Variants in IMMP2L observed in about 807,000 individuals in gnomAD.
IMMP2L encodes the protein mitochondrial inner membrane protease subunit 2.
A neutral mutation model predicts 19.3 loss-of-function variants in IMMP2L; 18 were observed. The observed-to-expected ratio is 0.93, with a 90% CI of 0.64 to 1.38. The LOEUF is 1.38. Ranked by LOEUF, IMMP2L falls within the 40% of genes most tolerant of loss-of-function variation. The pLI is 0.00. For synonymous variants in IMMP2L, 76 were observed against 73.0 expected (o/e 1.04, Z -0.21); for missense variants, 233 against 218.2 (o/e 1.07, Z -0.43).
At chr7:110,700,290 T>C (rs1340223831) in intron 5 of IMMP2L, among the ~76,000 whole-genome samples, 1 of 152,300 alleles carries the variant, frequency 6.6e-6, no homozygotes, top group East Asian at 1.9e-4. Flanking sequence ...TTTTTTCACT[T>C]AATTGAAGCC....
At chr7:111,087,128 T>A (rs1796408272) in intron 3 of IMMP2L, among the ~76,000 whole-genome samples, 1 of 152,168 alleles carries the variant, frequency 6.6e-6, no homozygotes, top group African/African-American at 2.4e-5. Context: ...TTTCAGCCAA[T>A]GTTTCTACAC....
intron 3 of IMMP2L, among the ~76,000 whole-genome samples, chr7:111,012,153 A>C (rs1394869495): frequency 6.6e-6 from 1 of 152,162 alleles, no homozygotes; most frequent in Non-Finnish European, 1.5e-5. Flanking sequence ...TACAGGGATA[A>C]AATAAATTTC....
At chr7:110,935,800 A>G (rs1183714742) in intron 4 of IMMP2L, among the ~76,000 whole-genome samples, 1 of 152,172 alleles carries the variant, frequency 6.6e-6, no homozygotes, top group East Asian at 1.9e-4. Flanking sequence ...TTCAAACTAT[A>G]CTACAAGGCT....
chr7:110,702,919 T>G (rs1266641642), intron 5 of IMMP2L, among the ~76,000 whole-genome samples: 2 of 152,144 alleles, frequency 1.3e-5, no homozygotes, highest in Non-Finnish European at 2.9e-5. Context: ...TACTGTACGG[T>G]CTAAAACCTT....
At chr7:110,829,613 G>A (rs1282181301) in intron 5 of IMMP2L, among the ~76,000 whole-genome samples, 2 of 152,042 alleles carry the variant, frequency 1.3e-5, no homozygotes, top group South Asian at 2.1e-4. Flanking sequence ...CAAAAAAAGA[G>A]AGAAAAACCC....
chr7:110,722,415 G>C (rs1374732136), intron 5 of IMMP2L, among the ~76,000 whole-genome samples: 1 of 151,958 alleles, frequency 6.6e-6, no homozygotes, highest in African/African-American at 2.4e-5. Flanking sequence ...TAAAAAAGTT[G>C]CCAGTGCACA....
chr7:111,508,894 C>A (rs978276685), intron 2 of IMMP2L, among the ~76,000 whole-genome samples: 13 of 152,086 alleles, frequency 8.5e-5, no homozygotes, highest in Non-Finnish European at 1.5e-4. Context: ...TCACTGGGGA[C>A]CCACCCTATC....
intron 5 of IMMP2L, among the ~76,000 whole-genome samples, chr7:110,720,959 C>T (rs1795527389): frequency 6.6e-6 from 1 of 151,998 alleles, no homozygotes. Flanking sequence ...AAGGCTTAAC[C>T]TTCCATCTTT....
intron 3 of IMMP2L, among the ~76,000 whole-genome samples, chr7:111,186,521 A>T (rs1379017471): frequency 6.6e-6 from 1 of 151,960 alleles, no homozygotes; most frequent in African/African-American, 2.4e-5. Flanking sequence ...CCTGGGTTCA[A>T]GGGTTCCAGC....
chr7:111,047,486 C>T (rs181118774), intron 3 of IMMP2L, among the ~76,000 whole-genome samples: 22 of 152,266 alleles, frequency 1.4e-4, no homozygotes, highest in African/African-American at 5.3e-4. Flanking sequence ...CCGTGCCCAG[C>T]CCTTCAAAAT....
intron 3 of IMMP2L, among the ~76,000 whole-genome samples, chr7:111,434,642 T>G (rs1366246534): frequency 1.3e-5 from 2 of 151,758 alleles, no homozygotes; most frequent in Non-Finnish European, 2.9e-5. Flanking sequence ...ACCTCTTGGA[T>G]TCAAGAGATT....
chr7:111,433,641 A>G (rs1478368773), intron 3 of IMMP2L, among the ~76,000 whole-genome samples: 1 of 151,760 alleles, frequency 6.6e-6, no homozygotes, highest in East Asian at 1.9e-4. Context: ...GAGCCAAACC[A>G]TATCAGACCC....
chr7:110,978,938 C>T (rs368902178), intron 3 of IMMP2L, among the ~76,000 whole-genome samples: 3 of 151,944 alleles, frequency 2.0e-5, no homozygotes, highest in Non-Finnish European at 2.9e-5. Context: ...ACTTTTAAAA[C>T]ATTAGAAACA....
chr7:111,172,428 CGTGTA>C (rs1806549782), intron 3 of IMMP2L, among the ~76,000 whole-genome samples: 1 of 151,464 alleles, frequency 6.6e-6, no homozygotes, highest in African/African-American at 2.4e-5. Flanking sequence ...ATGTATACAA[CGTGTA>C]ATGATCAAAC....
At chr7:110,927,125 A>G (rs1814941757) in intron 4 of IMMP2L, among the ~76,000 whole-genome samples, 1 of 151,376 alleles carries the variant, frequency 6.6e-6, no homozygotes, top group South Asian at 2.1e-4. Context: ...TCCTCCTCCT[A>G]CCCCCACTTC....
chr7:110,960,882 C>G (rs1818860496), intron 4 of IMMP2L, among the ~76,000 whole-genome samples: 1 of 151,814 alleles, frequency 6.6e-6, no homozygotes, highest in Non-Finnish European at 1.5e-5. Context: ...ATGATCTGAA[C>G]AGTTATCTCA....
chr7:111,513,720 T>G (rs927919870), intron 2 of IMMP2L, among the ~76,000 whole-genome samples: 45 of 152,026 alleles, frequency 3.0e-4, no homozygotes, highest in African/African-American at 1.1e-3. Flanking sequence ...CATAAATGGA[T>G]GAAGGGATAA....
intron 5 of IMMP2L, among the ~76,000 whole-genome samples, chr7:110,668,514 C>T (rs1456847654): frequency 3.3e-5 from 5 of 152,190 alleles, no homozygotes; most frequent in Admixed American, 2.6e-4. Flanking sequence ...AGTCTTCTAA[C>T]TTGGCTGAAC....
chr7:111,557,241 C>T (rs1278854746), intron 1 of IMMP2L, among the ~76,000 whole-genome samples: 1 of 151,852 alleles, frequency 6.6e-6, no homozygotes, highest in Non-Finnish European at 1.5e-5. Flanking sequence ...ACTCTACCCT[C>T]AATCTACCCA....
Sources: gnomAD v4.1 joint callset for allele counts (sites outside exome capture counted in the v4.1 genomes callset) on GRCh38, gnomAD v4.1.1 for gene constraint, MANE v1.5 for transcripts, NCBI Gene and HGNC (gene_info 2026-07-23, HGNC 2026-07-21) for gene names.